The following ERICH1 variants were observed in gnomAD, a reference collection of about 807,000 sequenced individuals.
ERICH1 encodes the protein glutamate-rich protein 1.
A neutral mutation model predicts 39.6 loss-of-function variants in ERICH1; 56 were observed. That is an observed-to-expected ratio of 1.41 (90% CI 1.14 to 1.77). The LOEUF is 1.77. ERICH1 is among the 40% of genes most tolerant of loss of function. The pLI is 0.00. For missense variants in ERICH1, 826 were observed against 575.4 expected (o/e 1.44, Z -4.45); for synonymous variants, 313 against 223.6 (o/e 1.40, Z -3.57).
chr8:725,307 G>A, intron 1 of ERICH1: 1 of 155,016 alleles, frequency 6.5e-6, no homozygotes, highest in Non-Finnish European at 1.4e-5. Context: ...AGGACCAGCG[G>A]CAGTGACCAG....
chr8:674,187 T>G (rs1040225215), intron 3 of ERICH1, 140 bp from the exon 4 acceptor site: 5 of 992,796 alleles, frequency 5.0e-6, no homozygotes, highest in Admixed American at 6.3e-5. Flanking sequence ...GATTCTCAAC[T>G]TTACCATCAA....
chr8:660,853 G>C (rs533286558), downstream of ERICH1, among the ~76,000 whole-genome samples: 2 of 152,100 alleles, frequency 1.3e-5, no homozygotes, highest in Admixed American at 1.3e-4. Flanking sequence ...GAGCTATATG[G>C]GACTGCTCTC....
downstream of ERICH1, among the ~76,000 whole-genome samples, chr8:660,602 G>T (rs1381374976): frequency 1.3e-5 from 2 of 152,186 alleles, no homozygotes; most frequent in Non-Finnish European, 2.9e-5. Context: ...GCGGCAAATG[G>T]TGTCGTTTCA....
At chr8:638,342 C>A (rs982866955) in intron 3 of ERICH1, among the ~76,000 whole-genome samples, 9 of 152,338 alleles carry the variant, frequency 5.9e-5, no homozygotes, top group African/African-American at 2.2e-4. Context: ...TGGGCACGTT[C>A]AGACCCTCAG....
chr8:665,479 C>T (rs988223850), intron 5 of ERICH1, among the ~76,000 whole-genome samples: 1 of 152,222 alleles, frequency 6.6e-6, no homozygotes, highest in African/African-American at 2.4e-5. Context: ...AAGCCACAGA[C>T]AACAGAAGCC....
intron 3 of ERICH1, among the ~76,000 whole-genome samples, chr8:621,503 TTTAAATAATTAAAATAA>T (rs1464944148): frequency 2.0e-5 from 3 of 151,588 alleles, no homozygotes; most frequent in Admixed American, 1.3e-4. Flanking sequence ...ATAAAAATTT[TTTAAATAATTAAAATAA>T]TTAAATAATT....
intron 5 of ERICH1, 125 bp from the exon 6 acceptor site, chr8:664,801 A>C: frequency 1.5e-6 from 1 of 681,758 alleles, no homozygotes; most frequent in African/African-American, 1.8e-5. Flanking sequence ...ATAAAATGCA[A>C]CTTTGGCATG....
intron 1 of ERICH1, among the ~76,000 whole-genome samples, chr8:717,140 G>A (rs946962053): frequency 2.0e-5 from 3 of 152,174 alleles, no homozygotes; most frequent in Admixed American, 6.5e-5. Flanking sequence ...GGCTCCCAGA[G>A]AGTGAGCACA....
At chr8:626,995 G>A (rs950928754) in intron 3 of ERICH1, 4 of 410,448 alleles carry the variant, frequency 9.7e-6, no homozygotes, top group South Asian at 1.8e-5. Context: ...GCTTGGCCTG[G>A]TACTCACCAA....
chr8:715,883 C>T lies in ERICH1; in HGVS notation c.147G>A (p.Gln49=). The change falls in exon 2 of 6, where the codon CAG becomes CAA. Residue 49 remains glutamine, a synonymous_variant. Transcript: ENST00000262109. The part of the protein sequence containing the change: ...PKKVTSEKVS[Q]KHAEPLTDTG... ...CACCTGTCAAAGGCTCAGCATGTTTCTGGCTCACTTTCTCAGAGGTCACTT... is the reference window on the plus strand; with the variant it reads ...CACCTGTCAAAGGCTCAGCATGTTTTTGGCTCACTTTCTCAGAGGTCACTT... 1 of 1,613,520 alleles carries T rather than the reference C, an allele frequency of 6.2e-7. No individual in the cohort carries two copies. Among genetic ancestry groups the T allele is most frequent in the South Asian group, 1.1e-5 (1 of 90,950 alleles).
intron 3 of ERICH1, among the ~76,000 whole-genome samples, chr8:686,945 C>CA (rs1554510687): frequency 2.6e-5 from 4 of 151,976 alleles, no homozygotes; most frequent in African/African-American, 4.8e-5. Flanking sequence ...GAATGCGGAG[C>CA]GGGGGGCAGC....
chr8:637,668 G>A (rs1798547901), intron 3 of ERICH1: 1 of 152,316 alleles, frequency 6.6e-6, no homozygotes, highest in Non-Finnish European at 1.5e-5. Flanking sequence ...CAGGGCCACA[G>A]AACCTAGTGG....
At chr8:680,497 C>G (rs1805863816) in intron 3 of ERICH1, among the ~76,000 whole-genome samples, 1 of 146,160 alleles carries the variant, frequency 6.8e-6, no homozygotes, top group African/African-American at 2.6e-5. Flanking sequence ...CACGGAAAGT[C>G]CAAGAGAATC....
At position 716,022 on chromosome 8, in the gene ERICH1, G is replaced by C. The variant is rs200099840; in HGVS notation, c.23-15C>G. 1.1e-5 allele frequency: 17 copies of C among 1,575,708 alleles called. No homozygotes were observed. The highest frequency in any genetic ancestry group is 1.5e-5 in the Non-Finnish European group (17 of 1,165,624). Reference sequence around the variant, plus strand: ...CTCCACAAACACTGTACAGACAACCGATTAAAAGAAAAGGAGGAAAAGGAA... The same window carrying C: ...CTCCACAAACACTGTACAGACAACCCATTAAAAGAAAAGGAGGAAAAGGAA... On this transcript the variant is annotated splice_polypyrimidine_tract_variant and intron_variant, in intron 1 of 5. Coordinates refer to ENST00000262109, the MANE Select transcript of ERICH1 (RefSeq NM_207332.3).
intron 3 of ERICH1, among the ~76,000 whole-genome samples, chr8:628,972 G>T (rs1797756243): frequency 6.6e-6 from 1 of 152,100 alleles, no homozygotes; most frequent in Non-Finnish European, 1.5e-5. Flanking sequence ...GGAGGGCCCG[G>T]CACCCACCAA....
intron 3 of ERICH1, among the ~76,000 whole-genome samples, chr8:623,850 C>G (rs1321926099): frequency 6.6e-6 from 1 of 152,108 alleles, no homozygotes; most frequent in Non-Finnish European, 1.5e-5. Context: ...AGACCATGGT[C>G]TCTTAGATAT....
At chr8:709,334 C>T (rs185048057) in intron 2 of ERICH1, among the ~76,000 whole-genome samples, 9 of 152,266 alleles carry the variant, frequency 5.9e-5, no homozygotes, top group Admixed American at 2.6e-4. Context: ...ACCATGTCAC[C>T]GAGGGAACCG....
chr8:685,862 T>G (rs532799797), intron 3 of ERICH1, among the ~76,000 whole-genome samples: 119 of 152,178 alleles, frequency 7.8e-4, no homozygotes, highest in Middle Eastern at 3.4e-3. Flanking sequence ...TTTCAATAAC[T>G]GACTGGGCAC....
At chr8:631,160 C>T (rs548771302) in intron 3 of ERICH1, among the ~76,000 whole-genome samples, 109 of 152,386 alleles carry the variant, frequency 7.2e-4, no homozygotes, top group African/African-American at 2.5e-3. Flanking sequence ...CAGCCTCCCC[C>T]GCTGGACATG....
Sources: allele counts gnomAD v4.1 joint callset (sites outside exome capture counted in the v4.1 genomes callset), GRCh38; gene constraint gnomAD v4.1.1; transcripts MANE v1.5; gene names NCBI Gene and HGNC (gene_info 2026-07-23, HGNC 2026-07-21).